The following ZNF407 variants were observed in gnomAD, a reference collection of about 807,000 sequenced individuals.
ZNF407 encodes zinc finger protein 407.
ZNF407 carries 17 observed loss-of-function variants against 131.2 expected under a neutral mutation model. The observed-to-expected ratio is 0.13, with a 90% CI of 0.09 to 0.19. The LOEUF is 0.19. Ranked by LOEUF, ZNF407 falls within the 10% of genes least tolerant of loss-of-function variation. The probability of loss-of-function intolerance (pLI) is 1.00; values close to 1 mark genes in which losing one functional copy is unlikely to be tolerated. For synonymous variants in ZNF407, 1,156 were observed against 1,062.0 expected (o/e 1.09, Z -1.72); for missense variants, 2,681 against 2,830.6 (o/e 0.95, Z 1.20).
intron 3 of ZNF407, among the ~76,000 whole-genome samples, chr18:74,753,654 G>A (rs1464587083): frequency 1.3e-5 from 2 of 152,154 alleles, no homozygotes; most frequent in African/African-American, 2.4e-5. Flanking sequence ...GATGGATTAC[G>A]TTTATTGATT....
At chr18:74,919,221 T>C (rs913542465) in intron 7 of ZNF407, among the ~76,000 whole-genome samples, 5 of 152,246 alleles carry the variant, frequency 3.3e-5, no homozygotes, top group Admixed American at 2.0e-4. Flanking sequence ...ATTTCTAGCG[T>C]CATTGACTGC....
intron 8 of ZNF407, among the ~76,000 whole-genome samples, chr18:74,926,259 A>G (rs1378121312): frequency 6.6e-6 from 1 of 152,180 alleles, no homozygotes; most frequent in Admixed American, 6.5e-5. Flanking sequence ...TCCTGTTGGA[A>G]TTCCTAAGTT....
intron 8 of ZNF407, among the ~76,000 whole-genome samples, chr18:74,999,348 T>TA (rs71170334): frequency 0.054 from 3,289 of 60,450 alleles, 193 homozygotes; most frequent in East Asian, 0.11. Context: ...TAGAGTATAA[T>TA]AAAAAAAAAA....
intron 2 of ZNF407, among the ~76,000 whole-genome samples, chr18:74,637,199 G>A (rs1984503197): frequency 6.6e-6 from 1 of 152,160 alleles, no homozygotes; most frequent in Non-Finnish European, 1.5e-5. Flanking sequence ...ATCAATGTAG[G>A]CATTTCAGCA....
intron 4 of ZNF407, among the ~76,000 whole-genome samples, chr18:74,841,864 T>C (rs1254976263): frequency 2.0e-5 from 3 of 152,248 alleles, no homozygotes; most frequent in Non-Finnish European, 4.4e-5. Flanking sequence ...TCAGCGTCAT[T>C]AGGAACTATG....
intron 3 of ZNF407, among the ~76,000 whole-genome samples, chr18:74,681,770 C>T (rs1352827101): frequency 6.6e-6 from 1 of 152,148 alleles, no homozygotes; most frequent in African/African-American, 2.4e-5. Flanking sequence ...AGATATATTG[C>T]TACCATATAC....
At chr18:74,986,950 A>G (rs1046569218) in intron 8 of ZNF407, among the ~76,000 whole-genome samples, 1 of 152,186 alleles carries the variant, frequency 6.6e-6, no homozygotes, top group African/African-American at 2.4e-5. Flanking sequence ...GTATGTTCAT[A>G]TAGGATATTG....
chr18:74,876,345 A>G (rs552347811), intron 4 of ZNF407, among the ~76,000 whole-genome samples: 2 of 152,314 alleles, frequency 1.3e-5, no homozygotes, highest in African/African-American at 4.8e-5. Context: ...AGAGTATTTT[A>G]TTAGTTACAG....
chr18:74,794,464 A>G (rs886558754), intron 4 of ZNF407, among the ~76,000 whole-genome samples: 68 of 151,152 alleles, frequency 4.5e-4, no homozygotes, highest in African/African-American at 1.6e-3. Context: ...GAGGGAAGGT[A>G]TATTCTGTTG....
At chr18:75,011,427 C>T (rs1174381071) in intron 8 of ZNF407, among the ~76,000 whole-genome samples, 1 of 152,110 alleles carries the variant, frequency 6.6e-6, no homozygotes, top group African/African-American at 2.4e-5. Context: ...ATAGAGCAGA[C>T]ATACCTTAGT....
Position 74,877,333 on chromosome 18 carries a change from G to T in ZNF407, c.5014G>T (p.Ala1672Ser), listed in dbSNP as rs369381731. The T allele has an allele frequency of 1.2e-6, 2 of 1,613,586 alleles. No homozygotes were observed. The highest frequency in any genetic ancestry group is 1.1e-5 in the South Asian group (1 of 91,070). Residue 1672 changes from alanine to serine, a missense_variant, in exon 5 of 9, where the codon GCA becomes TCA. Transcript: ENST00000299687. ...TCHYSFLTAS[A>S]MKDHYRTHTG... ...CCATTACTCATTCCTCACAGCCTCCGCAATGAAAGACCACTACAGGACGCA... is the reference window on the plus strand; with the variant it reads ...CCATTACTCATTCCTCACAGCCTCCTCAATGAAAGACCACTACAGGACGCA...
chr18:74,994,921 C>T (rs995845474), intron 8 of ZNF407, among the ~76,000 whole-genome samples: 1 of 152,096 alleles, frequency 6.6e-6, no homozygotes, highest in Non-Finnish European at 1.5e-5. Context: ...ACTATCTAGA[C>T]ATAAAAGCAA....
At chr18:74,972,059 C>T (rs9989571) in intron 8 of ZNF407, among the ~76,000 whole-genome samples, 25,317 of 152,070 alleles carry the variant, frequency 0.17, 2,363 homozygotes, top group Admixed American at 0.27. Context: ...GAGAATAGCA[C>T]GGGAAAAACT....
At chr18:74,975,040 C>A (rs1015414463) in intron 8 of ZNF407, among the ~76,000 whole-genome samples, 2 of 152,198 alleles carry the variant, frequency 1.3e-5, no homozygotes, top group Admixed American at 1.3e-4. Flanking sequence ...TTACGTCATG[C>A]AGGATTTTGT....
intron 3 of ZNF407, among the ~76,000 whole-genome samples, chr18:74,680,749 C>G (rs1249653208): frequency 6.6e-6 from 1 of 152,118 alleles, no homozygotes; most frequent in Non-Finnish European, 1.5e-5. Flanking sequence ...TTTACCTCAT[C>G]TCCCTGGCCT....
chr18:74,676,449 T>A (rs1986365174), intron 3 of ZNF407, among the ~76,000 whole-genome samples: 1 of 150,060 alleles, frequency 6.7e-6, no homozygotes, highest in African/African-American at 2.5e-5. Flanking sequence ...TTTTTTTTTT[T>A]TTTTTGAGAC....
chr18:75,034,548 C>T (rs1358772441), intron 8 of ZNF407, among the ~76,000 whole-genome samples: 35 of 151,054 alleles, frequency 2.3e-4, no homozygotes, highest in Non-Finnish European at 4.0e-4. Flanking sequence ...GTGATCCGCC[C>T]GTCTCGGCCT....
rs75108028 is a variant in ZNF407, at chr18:74,775,942, C to T, written c.4803-5486C>T. On this transcript the variant is annotated intron_variant, in intron 3 of 8. Coordinates refer to ENST00000299687, the MANE Select transcript of ZNF407 (RefSeq NM_017757.3). Reference sequence around the variant, plus strand: ...GAGCTCTCTACAGTACCGAGGCTGACGCTAAACTGCTCGTTAGAAATCTGC... The same window carrying T: ...GAGCTCTCTACAGTACCGAGGCTGATGCTAAACTGCTCGTTAGAAATCTGC... Among the ~76,000 whole-genome samples the T allele has an allele frequency of 1.2e-4, 19 of 152,324 alleles. No individual in the cohort carries two copies. In the East Asian group the frequency reaches 3.7e-3, roughly 29 times the overall value.
intron 5 of ZNF407, among the ~76,000 whole-genome samples, chr18:74,880,707 G>A (rs1971225468): frequency 6.9e-6 from 1 of 143,918 alleles, no homozygotes; most frequent in Non-Finnish European, 1.5e-5. Context: ...AGATGTATGG[G>A]AATTGTAAAA....
Sources: gnomAD v4.1 joint callset for allele counts (sites outside exome capture counted in the v4.1 genomes callset) on GRCh38, gnomAD v4.1.1 for gene constraint, MANE v1.5 for transcripts, NCBI Gene and HGNC (gene_info 2026-07-23, HGNC 2026-07-21) for gene names.